Variants in NOB1 observed in about 807,000 individuals in gnomAD.
NOB1 encodes NIN1 (RPN12) binding protein 1 homolog, also known as RNA-binding protein NOB1.
A neutral mutation model predicts 44.8 loss-of-function variants in NOB1; 44 were observed. The ratio of observed to expected loss-of-function variants is 0.98; its 90% CI spans 0.77 to 1.26. NOB1 has a LOEUF of 1.26. Among genes scored for constraint, NOB1 ranks in the 50% most tolerant of loss-of-function variants. The probability of loss-of-function intolerance (pLI) is 0.00; values close to 1 mark genes in which losing one functional copy is unlikely to be tolerated. For missense variants in NOB1, 560 were observed against 544.8 expected (o/e 1.03, Z -0.28); for synonymous variants, 238 against 218.7 (o/e 1.09, Z -0.78).
chr16:69,748,171 A>C, intron 7 of NOB1, 61 bp downstream of exon 7: 1 of 1,341,634 alleles, frequency 7.5e-7, no homozygotes, highest in Non-Finnish European at 1.1e-6. Context: ...TCTCAAAACA[A>C]AAAAAGAAAC....
At chr16:69,743,081 T>A (rs1199655373) in intron 8 of NOB1, among the ~76,000 whole-genome samples, 4 of 152,102 alleles carry the variant, frequency 2.6e-5, no homozygotes, top group Non-Finnish European at 5.9e-5. Flanking sequence ...TGTTGTGCCA[T>A]AAAGTTTGAC....
At chr16:69,746,205 C>T (rs1430666730) in intron 7 of NOB1, among the ~76,000 whole-genome samples, 1 of 152,248 alleles carries the variant, frequency 6.6e-6, no homozygotes, top group Admixed American at 6.5e-5. Context: ...ACTGGAAGAG[C>T]TGGGGACCCA....
intron 4 of NOB1, 107 bp downstream of exon 4, chr16:69,749,452 T>C (rs1483012314): frequency 1.3e-6 from 2 of 1,530,326 alleles, no homozygotes; most frequent in Non-Finnish European, 9.0e-7. Flanking sequence ...CTGGACAAAC[T>C]ATGTTATTGG....
At chr16:69,745,063 C>G (rs1220059768) in intron 7 of NOB1, 46 bp from the exon 8 acceptor site, 1 of 1,605,624 alleles carries the variant, frequency 6.2e-7, no homozygotes, top group East Asian at 2.2e-5. Context: ...CCACAGGCAG[C>G]AAACGCCTCC....
At position 69,754,886 on chromosome 16, in the gene NOB1, C is replaced by T; in HGVS notation, c.25G>A (p.Ala9Thr). Reference sequence around the variant, plus strand: ...TGCCGCAGGAAAGCCCCAGCATCCGCCACAACGTGCTCCACTGGAGCCATG... The same window carrying T: ...TGCCGCAGGAAAGCCCCAGCATCCGTCACAACGTGCTCCACTGGAGCCATG... The part of the protein sequence containing the change: MAPVEHVV[A>T]DAGAFLRHAA... Residue 9 changes from alanine to threonine, a missense_variant, in exon 1 of 9, where the codon GCG becomes ACG. Physicochemically the swap from Ala to Thr is moderately conservative, Grantham distance 58. Coordinates refer to ENST00000268802, the MANE Select transcript of NOB1 (RefSeq NM_014062.3). 1.3e-6 allele frequency: 2 copies of T among 1,595,550 alleles called. No homozygotes were observed. Among genetic ancestry groups the T allele is most frequent in the Non-Finnish European group, 1.7e-6 (2 of 1,172,180 alleles).
At chr16:69,753,928 C>T (rs2038502979) in intron 2 of NOB1, among the ~76,000 whole-genome samples, 1 of 152,170 alleles carries the variant, frequency 6.6e-6, no homozygotes, top group Non-Finnish European at 1.5e-5. Flanking sequence ...GCCTCAGCCT[C>T]CCAAGTAGCT....
chr16:69,745,416 A>G (rs570796233), intron 7 of NOB1, among the ~76,000 whole-genome samples: 4 of 152,314 alleles, frequency 2.6e-5, no homozygotes, highest in South Asian at 2.1e-4. Flanking sequence ...CATGGCAGAT[A>G]AACCCAGGCA....
Position 69,748,438 on chromosome 16 carries a change from G to A in NOB1, c.727-109C>T, listed in dbSNP as rs531024571. ...GCCTTGCCCATATTCCTTGGCTTTT[G>A]CGAAGGAAACTCAGCCTGGGGAGGC... On this transcript the variant is annotated intron_variant, in intron 6 of 8. Transcript: ENST00000268802. The A allele has an allele frequency of 1.3e-5, 13 of 1,025,196 alleles. No individual in the cohort carries two copies. The East Asian group carries it at 3.5e-4, about 27-fold the overall frequency. The allele number at this position is 1,025,196 out of a possible 1,614,324, so 63.5% of individuals were successfully genotyped here. A position where few individuals can be genotyped will look rare whatever the true frequency, so the allele number is the denominator to read the frequency against.
chr16:69,745,139 A>G, intron 7 of NOB1, 122 bp from the exon 8 acceptor site: 7 of 994,494 alleles, frequency 7.0e-6, no homozygotes, highest in Non-Finnish European at 1.0e-5. Context: ...CGCACCACAC[A>G]TGTCACAAAG....
At chr16:69,745,751 A>G (rs1277777522) in intron 7 of NOB1, among the ~76,000 whole-genome samples, 1 of 152,184 alleles carries the variant, frequency 6.6e-6, no homozygotes, top group Non-Finnish European at 1.5e-5. Context: ...TCAATTCCCA[A>G]TGGTCAAGAC....
At chr16:69,752,678 G>A (rs574133793) in intron 2 of NOB1, among the ~76,000 whole-genome samples, 8 of 151,822 alleles carry the variant, frequency 5.3e-5, no homozygotes, top group African/African-American at 1.9e-4. Context: ...GGTGGCTCAC[G>A]CCTGTAATCC....
chr16:69,748,324 A>G lies in NOB1; in HGVS notation c.732T>C (p.Val244=), dbSNP rs776605014. 8.1e-6 allele frequency: 13 copies of G among 1,612,416 alleles called. 1 individual carries two copies. In the South Asian group the frequency reaches 1.1e-4, roughly 14 times the overall value. ...GCACGTGCAGCCCCATCTGCAGCAG[A>G]ACATTCTACAACCACAAGTTAAAGA... is the stretch of plus-strand genomic sequence containing the variant. The part of the protein sequence containing the change: ...CLTTDFAMQN[V]LLQMGLHVLA... The change falls in exon 7 of 9, where the codon GTT becomes GTC. Residue 244 remains valine, a synonymous_variant. Transcript: ENST00000268802.
Position 69,748,728 on chromosome 16 carries a change from T to C in NOB1, c.726+190A>G, listed in dbSNP as rs2038454964. The C allele has an allele frequency of 1.4e-5, 8 of 591,446 alleles. No individual in the cohort carries two copies. In the South Asian group the frequency reaches 1.8e-4, roughly 13 times the overall value. 36.6% of individuals were successfully genotyped at this position (591,446 alleles called of 1,614,324 possible). A position where few individuals can be genotyped will look rare whatever the true frequency, so the allele number is the denominator to read the frequency against. On this transcript the variant is annotated intron_variant, in intron 6 of 8. Transcript: ENST00000268802. ...TAAACGTTAAACATTTAATGTACTA[T>C]ACAAATGTTGTCATTATATGACGAT...
At chr16:69,747,882 G>A (rs148568607) in intron 7 of NOB1, among the ~76,000 whole-genome samples, 55 of 152,272 alleles carry the variant, frequency 3.6e-4, no homozygotes, top group Middle Eastern at 3.4e-3. Context: ...TAGTGGCCAG[G>A]CGTGGTGGCT....
chr16:69,746,054 A>C (rs1347795811), intron 7 of NOB1, among the ~76,000 whole-genome samples: 1 of 152,240 alleles, frequency 6.6e-6, no homozygotes, highest in African/African-American at 2.4e-5. Flanking sequence ...GTAAAGCTTC[A>C]GAGGAAGGTA....
Position 69,745,567 on chromosome 16 carries a change from G to A in NOB1, c.825-550C>T, listed in dbSNP as rs188426416. Among the ~76,000 whole-genome samples the A allele has an allele frequency of 3.9e-4, 59 of 152,212 alleles. 1 individual carries two copies. The highest frequency in any genetic ancestry group is 4.6e-4 in the Non-Finnish European group (31 of 68,040). ...TCTGGAGGCGGCAGAGCATATTAAT[G>A]AGAGAGACAGGAAACATGCTGCTGT... is the stretch of plus-strand genomic sequence containing the variant. On this transcript the variant is annotated intron_variant, in intron 7 of 8. Transcript: ENST00000268802.
intron 2 of NOB1, among the ~76,000 whole-genome samples, chr16:69,754,224 C>T (rs2038505776): frequency 6.6e-6 from 1 of 152,232 alleles, no homozygotes; most frequent in Admixed American, 6.5e-5. Context: ...AGAGTAATAG[C>T]AAGAGATCCA....
intron 7 of NOB1, among the ~76,000 whole-genome samples, chr16:69,746,188 C>T (rs1398245068): frequency 6.6e-6 from 1 of 152,208 alleles, no homozygotes; most frequent in Non-Finnish European, 1.5e-5. Context: ...CAGGCAACGC[C>T]CCGCCCACTG....
chr16:69,748,190 T>G (rs1292311484), intron 7 of NOB1, 42 bp downstream of exon 7: 1 of 1,423,288 alleles, frequency 7.0e-7, no homozygotes, highest in East Asian at 2.3e-5. Flanking sequence ...ACAGGAAGAG[T>G]GTTCCACAGA....
Sources: gnomAD v4.1 joint callset for allele counts (sites outside exome capture counted in the v4.1 genomes callset) on GRCh38, gnomAD v4.1.1 for gene constraint, MANE v1.5 for transcripts, NCBI Gene and HGNC (gene_info 2026-07-23, HGNC 2026-07-21) for gene names.